CALD1: variants seen among roughly 807,000 people sequenced by gnomAD.
The protein encoded by CALD1 is caldesmon.
Under a neutral mutation model 99.9 loss-of-function variants are expected in CALD1, and 33 were observed. That is an observed-to-expected ratio of 0.33 (90% CI 0.25 to 0.44). The LOEUF is 0.44. Ranked by LOEUF, CALD1 falls within the 20% of genes least tolerant of loss-of-function variation. CALD1 has a pLI of 1.00. For missense variants in CALD1, 861 were observed against 962.1 expected, an observed-to-expected ratio of 0.89 and a Z score of 1.39; for synonymous variants, 310 against 325.0, an observed-to-expected ratio of 0.95 and a Z score of 0.50.
chr7:134,950,339 T>A (rs938030999), intron 8 of CALD1, 35 bp from the exon 9 acceptor site: 5 of 1,610,972 alleles, frequency 3.1e-6, no homozygotes, highest in Admixed American at 3.3e-5. Flanking sequence ...GTGAAGCTGG[T>A]ACTGATGCCT....
chr7:134,729,762 A>C, the CALD1 span, among the ~76,000 whole-genome samples: 2 of 152,244 alleles, frequency 1.3e-5, no homozygotes. Flanking sequence ...GACAGGGGCA[A>C]TATCAAGAGG....
chr7:134,891,328 C>G, intron 3 of CALD1: 1 of 1,140,798 alleles, frequency 8.8e-7, no homozygotes, highest in African/African-American at 1.6e-5. Context: ...GATCGCTAAA[C>G]ATGATGGGCT....
intron 1 of CALD1, among the ~76,000 whole-genome samples, chr7:134,762,577 T>A (rs1796788853): frequency 6.6e-6 from 1 of 152,236 alleles, no homozygotes. Flanking sequence ...TGCTGACATC[T>A]GCATGGCTTC....
chr7:134,812,036 A>T (rs561122245), intron 1 of CALD1, among the ~76,000 whole-genome samples: 2 of 152,222 alleles, frequency 1.3e-5, no homozygotes, highest in Admixed American at 1.3e-4. Flanking sequence ...TCCACTCGGC[A>T]TCTTGGCAAC....
intron 1 of CALD1, among the ~76,000 whole-genome samples, chr7:134,744,789 A>G (rs768925573): frequency 2.6e-5 from 4 of 152,104 alleles, no homozygotes; most frequent in Non-Finnish European, 5.9e-5. Flanking sequence ...GAGCCTTGGA[A>G]GGCTTTTCTC....
Position 134,813,516 on chromosome 7 carries a change from C to T in CALD1, c.-129-30368C>T, listed in dbSNP as rs1586007272. Among the ~76,000 whole-genome samples, 4 of 152,082 alleles carry T rather than the reference C, an allele frequency of 2.6e-5. No individual in the cohort carries two copies. In the South Asian group the frequency reaches 8.3e-4, roughly 32 times the overall value. The stretch of plus-strand genomic sequence containing the variant: ...TCAATAGGAGCATGGACAAATCAGG[C>T]ATCGTTGCAGGAGTAAAGACAAACT... On this transcript the variant is annotated intron_variant, in intron 1 of 14. Coordinates refer to ENST00000361675, the MANE Select transcript of CALD1 (RefSeq NM_033138.4).
chr7:134,846,167 C>A (rs1799843503), intron 2 of CALD1, among the ~76,000 whole-genome samples: 1 of 152,158 alleles, frequency 6.6e-6, no homozygotes, highest in Non-Finnish European at 1.5e-5. Context: ...CCTTAATGAC[C>A]AAAGAGACAG....
At chr7:134,960,144 A>G (rs559550581) in intron 12 of CALD1, 33 bp downstream of exon 12, 1 of 1,610,066 alleles carries the variant, frequency 6.2e-7, no homozygotes, top group South Asian at 1.1e-5. Context: ...TTAAGTGTAG[A>G]GGGGCATATT....
At chr7:134,923,015 C>T (rs1563098677) in intron 3 of CALD1, among the ~76,000 whole-genome samples, 1 of 152,190 alleles carries the variant, frequency 6.6e-6, no homozygotes, top group Non-Finnish European at 1.5e-5. Flanking sequence ...TCATGCTACT[C>T]GTACAATCAA....
chr7:134,763,188 C>G (rs1796794241), intron 1 of CALD1, among the ~76,000 whole-genome samples: 1 of 152,112 alleles, frequency 6.6e-6, no homozygotes. Flanking sequence ...ATTAACTATT[C>G]AACAAAGTGA....
intron 3 of CALD1, among the ~76,000 whole-genome samples, chr7:134,925,112 C>T (rs1254286621): frequency 1.3e-5 from 2 of 152,050 alleles, no homozygotes; most frequent in Non-Finnish European, 2.9e-5. Flanking sequence ...GCTGTGTATC[C>T]TAGAAAATGG....
At chr7:134,901,478 T>G (rs1295167804) in intron 3 of CALD1, among the ~76,000 whole-genome samples, 2 of 152,028 alleles carry the variant, frequency 1.3e-5, no homozygotes, top group Non-Finnish European at 2.9e-5. Context: ...GAACTGGGTA[T>G]GTAGGAGATG....
At chr7:134,904,398 T>C (rs911262787) in intron 3 of CALD1, among the ~76,000 whole-genome samples, 1 of 151,398 alleles carries the variant, frequency 6.6e-6, no homozygotes, top group Non-Finnish European at 1.5e-5. Flanking sequence ...CTGGGCAACA[T>C]GGTGAAATCT....
At position 134,950,410 on chromosome 7, in the gene CALD1, C is replaced by A. The variant is rs1437164549; in HGVS notation, c.1831C>A (p.Arg611=). The stretch of plus-strand genomic sequence containing the variant: ...GAGGCTAAAGGAAGAGATTGAAAGG[C>A]GAAGAGCAGAAGCTGCTGAGAAACG... ...KRRLKEEIER[R]RAEAAEKRQK... is the part of the protein sequence containing the mutation. The change falls in exon 9 of 15, where the codon CGA becomes AGA. Residue 611 remains arginine, a synonymous_variant. Coordinates refer to ENST00000361675, the MANE Select transcript of CALD1 (RefSeq NM_033138.4). 1 of 1,614,004 alleles carries A rather than the reference C, an allele frequency of 6.2e-7. No homozygotes were observed. Among genetic ancestry groups the A allele is most frequent in the Admixed American group, 1.7e-5 (1 of 60,022 alleles).
At chr7:134,743,477 G>A (rs1224223778), upstream of CALD1, among the ~76,000 whole-genome samples, 2 of 152,132 alleles carry the variant, frequency 1.3e-5, no homozygotes, top group African/African-American at 4.8e-5. Flanking sequence ...GTGGGAATTG[G>A]AGTTCATTTC....
intron 2 of CALD1, among the ~76,000 whole-genome samples, chr7:134,848,047 C>T (rs111829355): frequency 0.018 from 2,687 of 152,034 alleles, 37 homozygotes; most frequent in Non-Finnish European, 0.027. Context: ...TCTCATACCA[C>T]GCCGTGCAAC....
At chr7:134,886,642 G>A (rs868438638) in intron 3 of CALD1, among the ~76,000 whole-genome samples, 3 of 152,212 alleles carry the variant, frequency 2.0e-5, no homozygotes, top group African/African-American at 4.8e-5. Flanking sequence ...GCCTAGAAAA[G>A]ACGAGACTAA....
intron 1 of CALD1, among the ~76,000 whole-genome samples, chr7:134,830,553 C>A (rs762604623): frequency 1.3e-5 from 2 of 152,088 alleles, no homozygotes; most frequent in Non-Finnish European, 2.9e-5. Flanking sequence ...CTAATCCTCT[C>A]TCCCCTCCCA....
intron 1 of CALD1, among the ~76,000 whole-genome samples, chr7:134,812,815 T>G (rs137916251): frequency 6.6e-6 from 1 of 152,168 alleles, no homozygotes; most frequent in Non-Finnish European, 1.5e-5. Flanking sequence ...CTGAATATAT[T>G]TTTTTGGGAG....
Sources: gnomAD v4.1 joint callset for allele counts (sites outside exome capture counted in the v4.1 genomes callset) on GRCh38, gnomAD v4.1.1 for gene constraint, MANE v1.5 for transcripts, NCBI Gene and HGNC (gene_info 2026-07-23, HGNC 2026-07-21) for gene names.